The following MAP2 variants were observed in gnomAD, a reference collection of about 807,000 sequenced individuals.
MAP2 encodes microtubule associated protein 2.
A neutral mutation model predicts 137.6 loss-of-function variants in MAP2; 14 were observed. The observed-to-expected ratio is 0.10, with a 90% CI of 0.07 to 0.16. The LOEUF (loss-of-function observed/expected upper bound fraction) is 0.16, where lower values mean the gene tolerates loss of function less well. Among genes scored for constraint, MAP2 ranks in the 10% least tolerant of loss-of-function variants. The pLI, the probability that MAP2 is intolerant of heterozygous loss-of-function variation, is 1.00. For missense variants in MAP2, 2,088 were observed against 2,191.5 expected (o/e 0.95, Z 0.94); for synonymous variants, 786 against 782.3 (o/e 1.00, Z -0.08).
chr2:209,469,284 C>T (rs1448353466), intron 1 of MAP2, among the ~76,000 whole-genome samples: 1 of 152,018 alleles, frequency 6.6e-6, no homozygotes, highest in African/African-American at 2.4e-5. Context: ...AAGTTGTTCC[C>T]TTAAACTAGA....
At chr2:209,442,233 TA>T (rs920657605) in intron 1 of MAP2, among the ~76,000 whole-genome samples, 4 of 151,466 alleles carry the variant, frequency 2.6e-5, no homozygotes, top group African/African-American at 9.7e-5. Context: ...GATGAGGAAA[TA>T]AAATGTTGAT....
intron 1 of MAP2, among the ~76,000 whole-genome samples, chr2:209,500,356 A>T (rs2060225800): frequency 6.6e-6 from 1 of 152,036 alleles, no homozygotes; most frequent in South Asian, 2.1e-4. Context: ...CAGGCTAGGT[A>T]TTTTTCCAAA....
At chr2:209,637,538 G>A (rs927317442) in intron 4 of MAP2, among the ~76,000 whole-genome samples, 1 of 151,910 alleles carries the variant, frequency 6.6e-6, no homozygotes, top group African/African-American at 2.4e-5. Flanking sequence ...GATAAGATGA[G>A]GTGACATAAG....
chr2:209,434,039 A>G (rs1451858272), intron 1 of MAP2, among the ~76,000 whole-genome samples: 1 of 152,084 alleles, frequency 6.6e-6, no homozygotes, highest in African/African-American at 2.4e-5. Flanking sequence ...CTTAGAGACA[A>G]TGGTCTAAAT....
intron 10 of MAP2, among the ~76,000 whole-genome samples, chr2:209,697,548 G>A (rs972400652): frequency 3.3e-5 from 5 of 152,040 alleles, no homozygotes; most frequent in African/African-American, 1.2e-4. Flanking sequence ...GCCAGGAAGT[G>A]AAATTGTGGT....
chr2:209,623,421 T>C (rs1455007140), intron 3 of MAP2, among the ~76,000 whole-genome samples: 1 of 152,164 alleles, frequency 6.6e-6, no homozygotes, highest in Non-Finnish European at 1.5e-5. Flanking sequence ...CACTTATCCA[T>C]ATGCATATGT....
rs377222605 is a variant in MAP2 at position 209,695,069 on chromosome 2, A to G, written c.2899A>G (p.Ser967Gly). ...NDRLDTVLEK[S>G]EEHADSKEHA... ...TAGGTTGGATACTGTACTAGAAAAG[A>G]GTGAAGAACATGCTGATTCAAAAGA... Residue 967 changes from serine (S) to glycine (G), a missense_variant, in exon 8 of 16, where the codon AGT becomes GGT. Physicochemically the swap from Ser to Gly is moderately conservative, Grantham distance 56. Coordinates refer to ENST00000682079, the MANE Select transcript of MAP2 (RefSeq NM_001375505.1). 7.9e-5 allele frequency: 128 copies of G among 1,614,068 alleles called. No homozygotes were observed. Among genetic ancestry groups the G allele is most frequent in the Middle Eastern group, 1.6e-4 (1 of 6,084 alleles).
chr2:209,528,862 G>A (rs755790088), intron 2 of MAP2, among the ~76,000 whole-genome samples: 66 of 145,802 alleles, frequency 4.5e-4, no homozygotes, highest in East Asian at 1.6e-3. Context: ...GTGTGTATAT[G>A]TGTGTGTATA....
At chr2:209,562,654 G>A (rs545334167) in intron 2 of MAP2, among the ~76,000 whole-genome samples, 88 of 151,690 alleles carry the variant, frequency 5.8e-4, no homozygotes, top group African/African-American at 2.0e-3. Context: ...CCAAGATTGC[G>A]CCACCACACC....
chr2:209,661,740 G>A (rs2043732615), intron 5 of MAP2: 13 of 945,870 alleles, frequency 1.4e-5, no homozygotes, highest in Non-Finnish European at 1.5e-5. Context: ...GCTGGTTGTG[G>A]GGATTAGCTT....
chr2:209,646,854 C>A (rs2094452201), intron 4 of MAP2, among the ~76,000 whole-genome samples: 1 of 151,884 alleles, frequency 6.6e-6, no homozygotes, highest in South Asian at 2.1e-4. Context: ...ACTTCTGTTT[C>A]TTTAGAATTA....
intron 12 of MAP2, among the ~76,000 whole-genome samples, chr2:209,707,708 A>G (rs2063906978): frequency 6.6e-6 from 1 of 152,196 alleles, no homozygotes; most frequent in Admixed American, 6.5e-5. Context: ...TGACAAGAAC[A>G]TATTTATTAC....
chr2:209,613,306 GA>G (rs1230590521), intron 3 of MAP2, among the ~76,000 whole-genome samples: 4 of 151,374 alleles, frequency 2.6e-5, no homozygotes, highest in African/African-American at 9.7e-5. Flanking sequence ...ATAGCTGCAT[GA>G]GTTTTCTTTT....
intron 2 of MAP2, among the ~76,000 whole-genome samples, chr2:209,576,592 C>G (rs547305942): frequency 6.6e-6 from 1 of 152,176 alleles, no homozygotes; most frequent in Admixed American, 6.5e-5. Flanking sequence ...AAAGGAAATC[C>G]TGTTTCCCAC....
At chr2:209,671,326 A>G (rs892525673) in intron 5 of MAP2, among the ~76,000 whole-genome samples, 1 of 152,028 alleles carries the variant, frequency 6.6e-6, no homozygotes, top group Non-Finnish European at 1.5e-5. Flanking sequence ...AGTTGATTAC[A>G]GGAAATAGTT....
At chr2:209,593,634 A>ATATATATATATAT (rs1553608278) in intron 3 of MAP2, among the ~76,000 whole-genome samples, 1 of 33,644 alleles carries the variant, frequency 3.0e-5, no homozygotes, top group African/African-American at 1.3e-4. Context: ...AAAAAAAAAA[A>ATATATATATATAT]ATATATATAT....
At chr2:209,703,879 A>T (rs1213116648) in intron 11 of MAP2, 2 of 409,488 alleles carry the variant, frequency 4.9e-6, no homozygotes, top group Non-Finnish European at 9.7e-6. Context: ...AGTAATAAGT[A>T]ATAAACATGG....
intron 2 of MAP2, among the ~76,000 whole-genome samples, chr2:209,557,045 A>G (rs1467037947): frequency 6.6e-6 from 1 of 152,242 alleles, no homozygotes; most frequent in Non-Finnish European, 1.5e-5. Flanking sequence ...ATCTATGTTA[A>G]CAGAAGATAC....
rs1377666070 is a variant in MAP2 at position 209,539,311 on chromosome 2, G to C, written c.-172+31670G>C. Among the ~76,000 whole-genome samples, 3 of 152,150 alleles carry C rather than the reference G, an allele frequency of 2.0e-5. No homozygotes were observed. The South Asian group carries it at 6.2e-4, about 32-fold the overall frequency. On this transcript the variant is annotated intron_variant, in intron 2 of 15. Coordinates refer to ENST00000682079, the MANE Select transcript of MAP2 (RefSeq NM_001375505.1). ...TCTGTAATTGTTGTGAATGCATTCTGTATGTAGTGAATTGTTGGGTCTAAT... is the reference window on the plus strand; with the variant it reads ...TCTGTAATTGTTGTGAATGCATTCTCTATGTAGTGAATTGTTGGGTCTAAT...
Sources: allele counts gnomAD v4.1 joint callset (sites outside exome capture counted in the v4.1 genomes callset), GRCh38; gene constraint gnomAD v4.1.1; transcripts MANE v1.5; gene names NCBI Gene and HGNC (gene_info 2026-07-23, HGNC 2026-07-21).